ZCCHC24: variants seen among roughly 807,000 people sequenced by gnomAD.
The protein encoded by ZCCHC24 is zinc finger CCHC domain-containing protein 24.
A neutral mutation model predicts 26.2 loss-of-function variants in ZCCHC24; 10 were observed. The ratio of observed to expected loss-of-function variants is 0.38; its 90% confidence interval spans 0.24 to 0.65. ZCCHC24 has a LOEUF of 0.65. Ranked by LOEUF, ZCCHC24 falls within the 30% of genes least tolerant of loss-of-function variation. The probability of loss-of-function intolerance (pLI) is 0.54; values close to 1 mark genes in which losing one functional copy is unlikely to be tolerated. For missense variants in ZCCHC24, 243 were observed against 329.1 expected (o/e 0.74, Z 2.03); for synonymous variants, 144 against 147.1 (o/e 0.98, Z 0.15).
intron 2 of ZCCHC24, among the ~76,000 whole-genome samples, chr10:79,406,835 C>T (rs2132190508): frequency 6.6e-6 from 1 of 152,354 alleles, no homozygotes; most frequent in African/African-American, 2.4e-5. Context: ...CCTCCTTGCC[C>T]TTGTCTGTGG....
At chr10:79,398,719 T>C (rs963477474) in intron 2 of ZCCHC24, among the ~76,000 whole-genome samples, 1 of 151,774 alleles carries the variant, frequency 6.6e-6, no homozygotes, top group South Asian at 2.1e-4. Context: ...CTGGCAGAGG[T>C]TGAGGAAAGA....
chr10:79,443,480 G>C (rs1050499342), intron 1 of ZCCHC24, among the ~76,000 whole-genome samples: 5 of 152,166 alleles, frequency 3.3e-5, no homozygotes, highest in African/African-American at 1.2e-4. Flanking sequence ...CCCAGGGTGA[G>C]AAACTCCCGT....
chr10:79,401,323 A>G (rs1286937713), intron 2 of ZCCHC24, among the ~76,000 whole-genome samples: 1 of 152,246 alleles, frequency 6.6e-6, no homozygotes, highest in African/African-American at 2.4e-5. Flanking sequence ...TTGCTCCAAC[A>G]TTGGGTATTT....
At chr10:79,435,114 C>T (rs893202343) in intron 1 of ZCCHC24, among the ~76,000 whole-genome samples, 5 of 152,182 alleles carry the variant, frequency 3.3e-5, no homozygotes, top group African/African-American at 1.2e-4. Flanking sequence ...ACTTGAAGCC[C>T]CAAATGGTGT....
At chr10:79,387,868 C>T (rs1054906354) in intron 3 of ZCCHC24, among the ~76,000 whole-genome samples, 1 of 152,120 alleles carries the variant, frequency 6.6e-6, no homozygotes, top group South Asian at 2.1e-4. Flanking sequence ...CCAGGGACCA[C>T]CCTTCTGCCC....
rs561884774 is a variant in ZCCHC24 at position 79,423,581 on chromosome 10, CTATATATATATA to C, written c.447+8965_447+8976del. ...AACAAAAACAAACAAAATATATATA[CTATATATATATA>C]TATATATATATATATATTTTCTGAC... On this transcript the variant is annotated intron_variant, in intron 2 of 3. Coordinates refer to ENST00000372336, the MANE Select transcript of ZCCHC24 (RefSeq NM_153367.4). Among the ~76,000 whole-genome samples, 12 of 53,746 alleles carry C rather than the reference CTATATATATATA, an allele frequency of 2.2e-4. 1 individual carries two copies. The highest frequency in any genetic ancestry group is 7.7e-4 in the African/African-American group (10 of 12,992). 35.3% of individuals were successfully genotyped at this position (53,746 alleles called of 152,430 possible). A position where few individuals can be genotyped will look rare whatever the true frequency, so the allele number is the denominator to read the frequency against.
At chr10:79,421,014 C>T (rs369630344) in intron 2 of ZCCHC24, among the ~76,000 whole-genome samples, 23 of 152,290 alleles carry the variant, frequency 1.5e-4, no homozygotes, top group African/African-American at 3.6e-4. Flanking sequence ...TACAAGGCGG[C>T]GCCAGGGGTG....
intron 1 of ZCCHC24, chr10:79,444,063 C>T (rs1205628748): frequency 6.5e-7 from 1 of 1,529,752 alleles, no homozygotes; most frequent in Admixed American, 2.1e-5. Flanking sequence ...AGGCTTTCCT[C>T]CCCAACCCAT....
At chr10:79,417,765 C>T (rs982129701) in intron 2 of ZCCHC24, among the ~76,000 whole-genome samples, 5 of 152,206 alleles carry the variant, frequency 3.3e-5, no homozygotes, top group African/African-American at 1.2e-4. Flanking sequence ...CTGATGTCCT[C>T]GGGCTCCTCA....
At chr10:79,399,546 C>T (rs1856601895) in intron 2 of ZCCHC24, among the ~76,000 whole-genome samples, 1 of 152,214 alleles carries the variant, frequency 6.6e-6, no homozygotes, top group South Asian at 2.1e-4. Context: ...GTAGCACAGA[C>T]AGGCCCTTTG....
At chr10:79,407,380 G>A (rs1856732204) in intron 2 of ZCCHC24, among the ~76,000 whole-genome samples, 1 of 152,252 alleles carries the variant, frequency 6.6e-6, no homozygotes, top group South Asian at 2.1e-4. Flanking sequence ...ATACGGCTGT[G>A]CTCGTCTTTC....
intron 2 of ZCCHC24, among the ~76,000 whole-genome samples, chr10:79,430,221 C>T (rs908493428): frequency 6.6e-6 from 1 of 152,094 alleles, no homozygotes; most frequent in African/African-American, 2.4e-5. Context: ...GGACAGGCGA[C>T]GAAACTGATG....
intron 2 of ZCCHC24, among the ~76,000 whole-genome samples, chr10:79,404,294 A>G (rs187962077): frequency 6.6e-6 from 1 of 152,346 alleles, no homozygotes; most frequent in Non-Finnish European, 1.5e-5. Flanking sequence ...AAGTAATCTC[A>G]GGCAAAACTT....
intron 2 of ZCCHC24, among the ~76,000 whole-genome samples, chr10:79,421,333 C>A (rs1467353609): frequency 6.6e-6 from 1 of 152,160 alleles, no homozygotes. Context: ...GCAATGCTAC[C>A]TTCAGCACCC....
At chr10:79,428,051 G>C (rs1158453596) in intron 2 of ZCCHC24, among the ~76,000 whole-genome samples, 1 of 152,190 alleles carries the variant, frequency 6.6e-6, no homozygotes, top group African/African-American at 2.4e-5. Context: ...TTGAAAGCGA[G>C]CAAAGATACT....
At chr10:79,423,402 T>C (rs1856973633) in intron 2 of ZCCHC24, among the ~76,000 whole-genome samples, 1 of 150,536 alleles carries the variant, frequency 6.6e-6, no homozygotes, top group Non-Finnish European at 1.5e-5. Context: ...AATTCAAAAA[T>C]TAGCCAGGCG....
intron 2 of ZCCHC24, among the ~76,000 whole-genome samples, chr10:79,394,970 G>A (rs1466313017): frequency 1.3e-5 from 2 of 152,230 alleles, no homozygotes; most frequent in Non-Finnish European, 1.5e-5. Context: ...AGATGCATAT[G>A]ACATGCACAT....
chr10:79,430,872 G>A (rs1254169081), intron 2 of ZCCHC24, among the ~76,000 whole-genome samples: 1 of 152,164 alleles, frequency 6.6e-6, no homozygotes, highest in Admixed American at 6.5e-5. Context: ...CAGAGCCCCT[G>A]TTGATGTCTG....
At chr10:79,400,528 C>A (rs1856615138) in intron 2 of ZCCHC24, among the ~76,000 whole-genome samples, 1 of 152,252 alleles carries the variant, frequency 6.6e-6, no homozygotes, top group Admixed American at 6.5e-5. Flanking sequence ...AGAGACAGGA[C>A]TGTTGATGAT....
Sources: allele counts gnomAD v4.1 joint callset (sites outside exome capture counted in the v4.1 genomes callset), GRCh38; gene constraint gnomAD v4.1.1; transcripts MANE v1.5; gene names NCBI Gene and HGNC (gene_info 2026-07-23, HGNC 2026-07-21).